Variants in ADAP1 observed in about 807,000 individuals in gnomAD.
The protein encoded by ADAP1 is ArfGAP with dual PH domains 1.
A neutral mutation model predicts 54.9 loss-of-function variants in ADAP1; 31 were observed. The ratio of observed to expected loss-of-function variants is 0.56; its 90% CI spans 0.42 to 0.76. The LOEUF (loss-of-function observed/expected upper bound fraction) is 0.76. Ranked by LOEUF, ADAP1 falls within the 30% of genes least tolerant of loss-of-function variation. The pLI is 0.00. For missense variants in ADAP1, 535 were observed against 512.4 expected, an observed-to-expected ratio of 1.04 and a Z score of -0.42; for synonymous variants, 313 against 202.6, an observed-to-expected ratio of 1.55 and a Z score of -4.63.
At chr7:930,853 T>G (rs1846551724) in intron 2 of ADAP1, among the ~76,000 whole-genome samples, 1 of 150,828 alleles carries the variant, frequency 6.6e-6, no homozygotes, top group Non-Finnish European at 1.5e-5. Flanking sequence ...GGTGTATGCC[T>G]GTGGTCCTAG....
In ADAP1 at chr7:920,168, C is replaced by G. The variant is rs919717761; in HGVS notation, c.306-118G>C. The G allele has an allele frequency of 5.0e-6, 4 of 807,766 alleles. No homozygotes were observed. The highest frequency in any genetic ancestry group is 5.0e-5 in the Admixed American group (2 of 40,090). The allele number at this position is 807,766 out of a possible 1,614,324, so 50.0% of individuals were successfully genotyped here. A position where few individuals can be genotyped will look rare whatever the true frequency, so the allele number is the denominator to read the frequency against. On this transcript the variant is annotated intron_variant, in intron 3 of 10. Coordinates refer to ENST00000265846, the MANE Select transcript of ADAP1 (RefSeq NM_006869.4). The surrounding 1 kb of genome is among the most constrained non-coding windows in gnomAD (Gnocchi z 4.5). Reference sequence around the variant, plus strand: ...GGCTCATAGGGACCCCCGGCAGACTCGAGCCGCCCCTCTGGGCACAAGATC... The same window carrying G: ...GGCTCATAGGGACCCCCGGCAGACTGGAGCCGCCCCTCTGGGCACAAGATC...
At chr7:953,123 G>A (rs985139952) in intron 1 of ADAP1, among the ~76,000 whole-genome samples, 1 of 152,136 alleles carries the variant, frequency 6.6e-6, no homozygotes, top group Non-Finnish European at 1.5e-5. Flanking sequence ...CCTGGGGAGC[G>A]TTCCTGAACA....
chr7:935,483 A>G lies in ADAP1; in HGVS notation c.105T>C (p.Thr35=), dbSNP rs987275790. The part of the protein sequence containing the change: ...GAPDPDWASY[T]LGVFICLSCS... ...AGCTCAGGCAGATGAAGACGCCCAG[A>G]GTGTAGGAGGCCCAGTCGGGATCTG... Residue 35 remains threonine (T), a synonymous_variant, in exon 2 of 11, where the codon ACT becomes ACC. Coordinates refer to ENST00000265846, the MANE Select transcript of ADAP1 (RefSeq NM_006869.4). 17 of 1,563,488 alleles carry G rather than the reference A, an allele frequency of 1.1e-5. No homozygotes were observed. The highest frequency in any genetic ancestry group is 1.4e-5 in the Non-Finnish European group (16 of 1,154,204).
At position 905,412 on chromosome 7, in the gene ADAP1, GGAGAAAGAGAAAGGA is replaced by G. The variant is rs747221016; in HGVS notation, c.389-255_389-241del. On this transcript the variant is annotated intron_variant, in intron 4 of 10. Coordinates refer to ENST00000265846, the MANE Select transcript of ADAP1 (RefSeq NM_006869.4). The stretch of plus-strand genomic sequence containing the variant: ...AAAGGAGAAAGGAGAAAGGAGAAAG[GGAGAAAGAGAAAGGA>G]GAAAGGAGAAAGGGAGAAAGGGAGA... 14 of 150,550 alleles carry G rather than the reference GGAGAAAGAGAAAGGA, an allele frequency of 9.3e-5. 1 individual carries two copies. The highest frequency in any genetic ancestry group is 3.3e-4 in the East Asian group (2 of 6,126). 9.3% of individuals were successfully genotyped at this position (150,550 alleles called of 1,614,324 possible).
chr7:900,462 C>T (rs956537477), intron 7 of ADAP1, 71 bp downstream of exon 7: 65 of 1,471,562 alleles, frequency 4.4e-5, no homozygotes, highest in Non-Finnish European at 5.1e-5. Flanking sequence ...ACTCAGGGCA[C>T]GAGGGCTCCG....
At chr7:916,598 G>T (rs1845942161) in intron 4 of ADAP1, among the ~76,000 whole-genome samples, 1 of 152,168 alleles carries the variant, frequency 6.6e-6, no homozygotes, top group Non-Finnish European at 1.5e-5. Flanking sequence ...GGGTGTGCTG[G>T]GTGCTGAGCA....
Position 906,694 on chromosome 7 carries a change from C to A in ADAP1, c.389-1522G>T, listed in dbSNP as rs879600667. Among the ~76,000 whole-genome samples the A allele has an allele frequency of 2.3e-3, 66 of 28,830 alleles. 1 individual carries two copies. The East Asian group carries it at 0.028, about 12-fold the overall frequency. 18.9% of individuals were successfully genotyped at this position (28,830 alleles called of 152,430 possible). Reference sequence around the variant, plus strand: ...GGACATGGACAGGGGACACGGGGGACATGGACATGGGGGACGGGACATCGG... The same window carrying A: ...GGACATGGACAGGGGACACGGGGGAAATGGACATGGGGGACGGGACATCGG... On this transcript the variant is annotated intron_variant, in intron 4 of 10. Transcript: ENST00000265846.
In ADAP1 at chr7:900,542, G is replaced by A. The variant is rs147584630; in HGVS notation, c.723C>T (p.Gly241=). 9.9e-5 allele frequency: 159 copies of A among 1,607,448 alleles called. No individual in the cohort carries two copies. The highest frequency in any genetic ancestry group is 2.9e-4 in the South Asian group (26 of 90,326). The part of the protein sequence containing the change: ...HYLQVAFPGA[G]DADLVPKLSR... ...CAGGGCCGCCACTCACATCTGCGTC[G>A]CCGGCCCCTGGGAATGCCACCTGCA... The change falls in exon 7 of 11, where the codon GGC becomes GGT. Residue 241 remains glycine, a synonymous_variant. Coordinates refer to ENST00000265846, the MANE Select transcript of ADAP1 (RefSeq NM_006869.4).
At chr7:936,010 G>A (rs769692954) in intron 1 of ADAP1, among the ~76,000 whole-genome samples, 11 of 152,220 alleles carry the variant, frequency 7.2e-5, no homozygotes, top group Non-Finnish European at 1.6e-4. Flanking sequence ...TGGTAGCCGC[G>A]GATGACGACG....
chr7:932,365 T>C (rs1846611612), intron 2 of ADAP1, among the ~76,000 whole-genome samples: 1 of 147,644 alleles, frequency 6.8e-6, no homozygotes, highest in South Asian at 2.2e-4. Context: ...TTAGGGTTTT[T>C]CCAACAACAG....
Position 905,338 on chromosome 7 carries a change from G to A in ADAP1, c.389-166C>T, listed in dbSNP as rs1325225679. On this transcript the variant is annotated intron_variant, in intron 4 of 10. Coordinates refer to ENST00000265846, the MANE Select transcript of ADAP1 (RefSeq NM_006869.4). ...GGGGAGAGGGGACATGGAGGAGACA[G>A]GGAGATAGGAAGATGGGCAGGGAAA... 4 of 503,198 alleles carry A rather than the reference G, an allele frequency of 7.9e-6. No individual in the cohort carries two copies. The Admixed American group carries it at 1.2e-4, about 15-fold the overall frequency. 31.2% of individuals were successfully genotyped at this position (503,198 alleles called of 1,614,324 possible). A position where few individuals can be genotyped will look rare whatever the true frequency, so the allele number is the denominator to read the frequency against.
intron 1 of ADAP1, among the ~76,000 whole-genome samples, chr7:942,196 A>C (rs144708542): frequency 2.4e-4 from 36 of 152,342 alleles, no homozygotes; most frequent in African/African-American, 8.7e-4. Context: ...TTTTAAAAGA[A>C]AACAGGAGAA....
At chr7:904,930 G>A (rs895691139) in intron 5 of ADAP1, 130 bp downstream of exon 5, 32 of 784,602 alleles carry the variant, frequency 4.1e-5, no homozygotes, top group South Asian at 2.5e-4. Flanking sequence ...CGGTTCTCCT[G>A]GAGCGTCCCC....
intron 4 of ADAP1, among the ~76,000 whole-genome samples, chr7:906,499 GAAAGGGAGAAAGGA>G (rs1845354801): frequency 6.4e-5 from 1 of 15,654 alleles, no homozygotes; most frequent in Non-Finnish European, 1.1e-4. Context: ...AGGGAAAGGA[GAAAGGGAGAAAGGA>G]GAAAGGAGAA....
chr7:906,684 ACACGGGG>A (rs1845415455), intron 4 of ADAP1, among the ~76,000 whole-genome samples: 1 of 65,376 alleles, frequency 1.5e-5, no homozygotes, highest in African/African-American at 8.7e-5. Context: ...TGGACAGGGG[ACACGGGG>A]GACATGGACA....
At chr7:951,818 T>C (rs532330639) in intron 1 of ADAP1, among the ~76,000 whole-genome samples, 249 of 152,316 alleles carry the variant, frequency 1.6e-3, no homozygotes, top group Non-Finnish European at 2.5e-3. Context: ...TATGTGTGTT[T>C]TTCTTTTTTT....
intron 4 of ADAP1, among the ~76,000 whole-genome samples, chr7:911,841 C>G (rs1415082493): frequency 6.6e-6 from 1 of 152,062 alleles, no homozygotes; most frequent in Non-Finnish European, 1.5e-5. Context: ...GGAGCCGACA[C>G]CCACCCAGAG....
intron 4 of ADAP1, among the ~76,000 whole-genome samples, chr7:912,167 G>A (rs572451655): frequency 1.4e-3 from 208 of 152,286 alleles, no homozygotes; most frequent in Non-Finnish European, 2.1e-3. Context: ...CACCAGGAGG[G>A]GCCGTCCTGA....
chr7:917,344 G>T (rs1455173351), intron 4 of ADAP1, among the ~76,000 whole-genome samples: 2 of 149,900 alleles, frequency 1.3e-5, no homozygotes, highest in East Asian at 3.9e-4. Flanking sequence ...GTGCACGGGA[G>T]GGGGGCGCAG....
Sources: gnomAD v4.1 joint callset for allele counts (sites outside exome capture counted in the v4.1 genomes callset) on GRCh38, gnomAD v4.1.1 for gene constraint, Gnocchi (gnomAD v3.1) non-coding constraint, MANE v1.5 for transcripts, NCBI Gene and HGNC (gene_info 2026-07-23, HGNC 2026-07-21) for gene names.